The following ARHGAP18 variants were observed in gnomAD, a reference collection of about 807,000 sequenced individuals.
ARHGAP18 encodes the protein Rho GTPase activating protein 18, also known as rho GTPase-activating protein 18.
Under a neutral mutation model 86.2 loss-of-function variants are expected in ARHGAP18, and 67 were observed. The ratio of observed to expected loss-of-function variants is 0.78; its 90% CI spans 0.64 to 0.95. The LOEUF (loss-of-function observed/expected upper bound fraction) is 0.95. Among genes scored for constraint, ARHGAP18 ranks in the 40% least tolerant of loss-of-function variants. ARHGAP18 has a pLI of 0.00. For synonymous variants in ARHGAP18, 283 were observed against 280.4 expected (o/e 1.01, Z -0.09); for missense variants, 691 against 780.4 (o/e 0.89, Z 1.37).
At chr6:129,656,617 C>T (rs1773842457) in intron 1 of ARHGAP18, among the ~76,000 whole-genome samples, 1 of 151,904 alleles carries the variant, frequency 6.6e-6, no homozygotes. Flanking sequence ...GCACTCCAGC[C>T]TGGGCGACAA....
Position 129,640,829 on chromosome 6 carries a change from A to C in ARHGAP18, c.316+987T>G, listed in dbSNP as rs189795698. Among the ~76,000 whole-genome samples, 473 of 152,298 alleles carry C rather than the reference A, an allele frequency of 3.1e-3. 3 individuals are homozygous for C. The highest frequency in any genetic ancestry group is 0.011 in the African/African-American group (437 of 41,578). The stretch of plus-strand genomic sequence containing the variant: ...TCAACTTATATAAACATACTTACAA[A>C]TGTATAGATGGCACAAGGCATAGAA... On this transcript the variant is annotated intron_variant, in intron 2 of 14. Transcript: ENST00000368149.
intron 13 of ARHGAP18, among the ~76,000 whole-genome samples, chr6:129,582,984 AC>A (rs939897789): frequency 3.9e-5 from 6 of 152,076 alleles, no homozygotes; most frequent in African/African-American, 7.2e-5. Flanking sequence ...CAATTTATAA[AC>A]CCTATGGGAA....
intron 1 of ARHGAP18, among the ~76,000 whole-genome samples, chr6:129,683,384 T>G (rs575086814): frequency 6.6e-6 from 1 of 152,222 alleles, no homozygotes; most frequent in African/African-American, 2.4e-5. Flanking sequence ...TTTTTTCTTT[T>G]AATTTGAGGT....
intron 1 of ARHGAP18, among the ~76,000 whole-genome samples, chr6:129,647,235 G>C (rs914175840): frequency 4.6e-5 from 7 of 152,124 alleles, no homozygotes; most frequent in Non-Finnish European, 8.8e-5. Context: ...CTTTTGGCCA[G>C]TATATTTGAA....
intron 3 of ARHGAP18, 91 bp downstream of exon 3, chr6:129,638,303 T>C: frequency 1.6e-6 from 2 of 1,271,498 alleles, no homozygotes; most frequent in Non-Finnish European, 2.2e-6. Flanking sequence ...TAGGTGATCA[T>C]TACGTTTTTA....
chr6:129,703,765 C>G (rs1221561329), intron 1 of ARHGAP18, among the ~76,000 whole-genome samples: 2 of 152,110 alleles, frequency 1.3e-5, no homozygotes, highest in Non-Finnish European at 2.9e-5. Context: ...AATGCCTTTA[C>G]AAAGGACTCT....
Position 129,625,463 on chromosome 6 carries a change from A to G in ARHGAP18, c.786+3890T>C, listed in dbSNP as rs1282336710. Among the ~76,000 whole-genome samples, 7 of 52,210 alleles carry G rather than the reference A, an allele frequency of 1.3e-4. No individual in the cohort carries two copies. In the South Asian group the frequency reaches 3.1e-3, roughly 23 times the overall value. 34.3% of individuals were successfully genotyped at this position (52,210 alleles called of 152,430 possible). On this transcript the variant is annotated intron_variant, in intron 5 of 14. Coordinates refer to ENST00000368149, the MANE Select transcript of ARHGAP18 (RefSeq NM_033515.3). ...ATATATTTTATATTATATATTATATATAATATATATTTTATATTATATATT... is the reference window on the plus strand; with the variant it reads ...ATATATTTTATATTATATATTATATGTAATATATATTTTATATTATATATT...
At chr6:129,641,262 C>G (rs1206728710) in intron 2 of ARHGAP18, among the ~76,000 whole-genome samples, 8 of 152,088 alleles carry the variant, frequency 5.3e-5, no homozygotes, top group Non-Finnish European at 1.2e-4. Context: ...TGGCTAGGAA[C>G]AAGATAAATA....
intron 1 of ARHGAP18, among the ~76,000 whole-genome samples, chr6:129,663,926 G>C (rs1433111261): frequency 6.6e-6 from 1 of 152,250 alleles, no homozygotes; most frequent in East Asian, 1.9e-4. Context: ...TTGGCCAGCA[G>C]GGTGTTTCAA....
At chr6:129,661,828 T>A (rs1773958751) in intron 1 of ARHGAP18, 1 of 980,706 alleles carries the variant, frequency 1.0e-6, no homozygotes, top group Admixed American at 6.2e-5. Flanking sequence ...CCCAGTCTCT[T>A]CATCCCACCA....
At chr6:129,645,146 A>C (rs891911007) in intron 1 of ARHGAP18, among the ~76,000 whole-genome samples, 3 of 152,156 alleles carry the variant, frequency 2.0e-5, no homozygotes, top group Non-Finnish European at 4.4e-5. Flanking sequence ...GTATTTTTTA[A>C]TTTGTCTAAA....
At chr6:129,651,068 G>C (rs1178025236) in intron 1 of ARHGAP18, among the ~76,000 whole-genome samples, 1 of 151,978 alleles carries the variant, frequency 6.6e-6, no homozygotes, top group Non-Finnish European at 1.5e-5. Context: ...CGAGCAAACT[G>C]CCATAGCAGA....
At chr6:129,586,645 G>A (rs764702607) in intron 12 of ARHGAP18, among the ~76,000 whole-genome samples, 1 of 152,034 alleles carries the variant, frequency 6.6e-6, no homozygotes, top group Admixed American at 6.6e-5. Context: ...GAAGATGACT[G>A]GATTAAGTTT....
chr6:129,627,543 G>A (rs1400337312), intron 5 of ARHGAP18, among the ~76,000 whole-genome samples: 2 of 151,900 alleles, frequency 1.3e-5, no homozygotes, highest in African/African-American at 4.8e-5. Flanking sequence ...ACTACACCAG[G>A]GGAATAGTCA....
intron 9 of ARHGAP18, among the ~76,000 whole-genome samples, chr6:129,607,058 C>G (rs1176795535): frequency 6.6e-6 from 1 of 151,926 alleles, no homozygotes; most frequent in African/African-American, 2.4e-5. Flanking sequence ...TGGGATTTCA[C>G]CATATTGGCC....
intron 12 of ARHGAP18, among the ~76,000 whole-genome samples, chr6:129,593,103 G>T (rs1788550047): frequency 6.6e-6 from 1 of 152,082 alleles, no homozygotes; most frequent in Non-Finnish European, 1.5e-5. Flanking sequence ...CCTGCCCTGG[G>T]AGAGTCTGAC....
At chr6:129,660,596 C>T (rs985300966) in intron 1 of ARHGAP18, among the ~76,000 whole-genome samples, 2 of 152,108 alleles carry the variant, frequency 1.3e-5, no homozygotes, top group East Asian at 1.9e-4. Context: ...ATGTGCTCCA[C>T]GGACCAGCGG....
chr6:129,626,066 A>ACG (rs1789461739), intron 5 of ARHGAP18, among the ~76,000 whole-genome samples: 1 of 2,642 alleles, frequency 3.8e-4, no homozygotes, highest in Non-Finnish European at 6.7e-4. Context: ...ATACACATAT[A>ACG]CACACACACA....
intron 1 of ARHGAP18, among the ~76,000 whole-genome samples, chr6:129,668,307 T>TA (rs1774078838): frequency 6.6e-6 from 1 of 151,348 alleles, no homozygotes; most frequent in Non-Finnish European, 1.5e-5. Flanking sequence ...ACATGTGCAA[T>TA]ATAAATACAG....
Sources: allele counts gnomAD v4.1 joint callset (sites outside exome capture counted in the v4.1 genomes callset), GRCh38; gene constraint gnomAD v4.1.1; transcripts MANE v1.5; gene names NCBI Gene and HGNC (gene_info 2026-07-23, HGNC 2026-07-21).